GPR158: variants seen among roughly 807,000 people sequenced by gnomAD.
GPR158 encodes G protein-coupled receptor 158, also known as metabotropic glycine receptor.
Under a neutral mutation model 78.2 loss-of-function variants are expected in GPR158, and 30 were observed. The observed-to-expected ratio is 0.38, with a 90% CI of 0.29 to 0.52. The LOEUF is 0.52. GPR158 is among the 20% of genes least tolerant of loss of function. The pLI, the probability that GPR158 is intolerant of heterozygous loss-of-function variation, is 0.83. For missense variants in GPR158, 1,463 were observed against 1,523.5 expected (o/e 0.96, Z 0.66); for synonymous variants, 581 against 591.1 (o/e 0.98, Z 0.25).
At chr10:25,467,279 T>C (rs2130618521) in intron 5 of GPR158, among the ~76,000 whole-genome samples, 1 of 152,330 alleles carries the variant, frequency 6.6e-6, no homozygotes, top group South Asian at 2.1e-4. Context: ...AAGGTTCTTT[T>C]GAAGTCTCAT....
At chr10:25,506,404 A>G (rs1395881965) in intron 5 of GPR158, among the ~76,000 whole-genome samples, 1 of 152,256 alleles carries the variant, frequency 6.6e-6, no homozygotes, top group Non-Finnish European at 1.5e-5. Flanking sequence ...ATAGGTATCC[A>G]TTGGTATAGT....
chr10:25,218,115 T>C (rs998449049), intron 1 of GPR158, among the ~76,000 whole-genome samples: 2 of 151,984 alleles, frequency 1.3e-5, no homozygotes, highest in African/African-American at 4.8e-5. Context: ...AAGAGAGGGT[T>C]TTCTTTCTGT....
intron 2 of GPR158, among the ~76,000 whole-genome samples, chr10:25,365,382 G>A (rs1028847607): frequency 4.0e-5 from 6 of 151,598 alleles, no homozygotes; most frequent in African/African-American, 1.5e-4. Flanking sequence ...TTTTGATTTA[G>A]CCCTATGCCC....
At chr10:25,399,972 A>G (rs1834418365) in intron 3 of GPR158, among the ~76,000 whole-genome samples, 1 of 152,218 alleles carries the variant, frequency 6.6e-6, no homozygotes, top group South Asian at 2.1e-4. Flanking sequence ...ATGAGCTAAC[A>G]TGGAAAACTG....
chr10:25,422,511 C>T (rs1231700432), intron 4 of GPR158, among the ~76,000 whole-genome samples: 1 of 152,028 alleles, frequency 6.6e-6, no homozygotes, highest in Non-Finnish European at 1.5e-5. Flanking sequence ...CTTCCACGAA[C>T]CCAGTTCCTG....
chr10:25,592,903 C>CAAAAAA (rs113359370), intron 8 of GPR158, among the ~76,000 whole-genome samples: 2 of 62,478 alleles, frequency 3.2e-5, no homozygotes, highest in African/African-American at 5.1e-5. Flanking sequence ...TATTTCAATG[C>CAAAAAA]AAAAAAAAAA....
chr10:25,175,179 A>C lies in GPR158; in HGVS notation c.-242A>C. 1 of 454,880 alleles carries C rather than the reference A, an allele frequency of 2.2e-6. No individual in the cohort carries two copies. The highest frequency in any genetic ancestry group is 3.8e-5 in the South Asian group (1 of 26,664). The allele number at this position is 454,880 out of a possible 1,614,324, so 28.2% of individuals were successfully genotyped here. On this transcript the variant is annotated 5_prime_UTR_variant, in exon 1 of 11. Transcript: ENST00000376351. The surrounding 1 kb of genome is among the most constrained non-coding windows in gnomAD (Gnocchi z 6.4). ...CCAGGCTGCGAGGTGCGTAATCCCC[A>C]GCCGGCCCCTCGCGCAGCGGGCACG...
chr10:25,290,808 A>C (rs910604177), intron 2 of GPR158, among the ~76,000 whole-genome samples: 2 of 152,128 alleles, frequency 1.3e-5, no homozygotes, highest in Non-Finnish European at 2.9e-5. Flanking sequence ...ACTAACTGTT[A>C]CATTACCTTT....
At chr10:25,366,244 A>G (rs1005482602) in intron 2 of GPR158, among the ~76,000 whole-genome samples, 2 of 151,570 alleles carry the variant, frequency 1.3e-5, no homozygotes, top group African/African-American at 2.4e-5. Context: ...AGTTGGGTAC[A>G]TACCTAGGAT....
intron 2 of GPR158, among the ~76,000 whole-genome samples, chr10:25,274,278 T>C (rs1355817333): frequency 6.6e-6 from 1 of 152,212 alleles, no homozygotes; most frequent in Non-Finnish European, 1.5e-5. Context: ...ATTAAAATAG[T>C]CTATTACTTT....
intron 2 of GPR158, among the ~76,000 whole-genome samples, chr10:25,252,917 C>T (rs1417426408): frequency 1.1e-3 from 175 of 152,240 alleles, no homozygotes; most frequent in African/African-American, 3.8e-3. Flanking sequence ...CCCAGCCTCG[C>T]TGCCGCCTTG....
At chr10:25,548,401 C>T (rs1006109608) in intron 5 of GPR158, among the ~76,000 whole-genome samples, 7 of 152,088 alleles carry the variant, frequency 4.6e-5, no homozygotes, top group Admixed American at 3.9e-4. Context: ...AGAATGGTAA[C>T]TTTTAGAACA....
At chr10:25,529,709 A>T (rs1179280063) in intron 5 of GPR158, among the ~76,000 whole-genome samples, 4 of 152,226 alleles carry the variant, frequency 2.6e-5, no homozygotes, top group Non-Finnish European at 5.9e-5. Flanking sequence ...ATGGGGTTAA[A>T]GGAAACAGGA....
At chr10:25,243,708 A>G (rs1015270430) in intron 2 of GPR158, among the ~76,000 whole-genome samples, 1 of 152,304 alleles carries the variant, frequency 6.6e-6, no homozygotes, top group South Asian at 2.1e-4. Flanking sequence ...GTGCTCTTTT[A>G]GCTGCACTAT....
chr10:25,585,300 T>C (rs1045110313), intron 7 of GPR158, among the ~76,000 whole-genome samples: 1 of 152,204 alleles, frequency 6.6e-6, no homozygotes, highest in Non-Finnish European at 1.5e-5. Context: ...AACAATTATT[T>C]ACTAAATCTT....
intron 2 of GPR158, among the ~76,000 whole-genome samples, chr10:25,317,999 A>G (rs1335747871): frequency 6.6e-6 from 1 of 152,180 alleles, no homozygotes; most frequent in Non-Finnish European, 1.5e-5. Flanking sequence ...CTAGGATTAC[A>G]AGCGTGAGTC....
At chr10:25,477,217 AG>A (rs1453449635) in intron 5 of GPR158, among the ~76,000 whole-genome samples, 1 of 152,180 alleles carries the variant, frequency 6.6e-6, no homozygotes, top group Non-Finnish European at 1.5e-5. Context: ...TACAGCTTAA[AG>A]GAAGGGATAT....
chr10:25,470,387 G>A (rs1043527718), intron 5 of GPR158, among the ~76,000 whole-genome samples: 2 of 151,870 alleles, frequency 1.3e-5, no homozygotes, highest in Non-Finnish European at 2.9e-5. Context: ...GGCCCTTTTT[G>A]TTCTTCTCCC....
intron 6 of GPR158, among the ~76,000 whole-genome samples, chr10:25,558,556 CCA>C (rs1382118337): frequency 6.6e-6 from 1 of 152,136 alleles, no homozygotes; most frequent in African/African-American, 2.4e-5. Context: ...TCGCCTGGGC[CCA>C]GAGTCAGGGT....
Sources: allele counts gnomAD v4.1 joint callset (sites outside exome capture counted in the v4.1 genomes callset), GRCh38; gene constraint gnomAD v4.1.1; non-coding constraint Gnocchi (gnomAD v3.1); transcripts MANE v1.5; gene names NCBI Gene and HGNC (gene_info 2026-07-23, HGNC 2026-07-21).